The following MACROD2 variants were observed in gnomAD, a reference collection of about 807,000 sequenced individuals.
MACROD2 encodes the protein ADP-ribose glycohydrolase MACROD2.
A neutral mutation model predicts 70.4 loss-of-function variants in MACROD2; 36 were observed. The ratio of observed to expected loss-of-function variants is 0.51; its 90% CI spans 0.39 to 0.68. The LOEUF is 0.68. Among genes scored for constraint, MACROD2 ranks in the 30% least tolerant of loss-of-function variants. The pLI, the probability that MACROD2 is intolerant of heterozygous loss-of-function variation, is 0.00. For missense variants in MACROD2, 496 were observed against 538.4 expected, an observed-to-expected ratio of 0.92 and a Z score of 0.78; for synonymous variants, 172 against 178.8, an observed-to-expected ratio of 0.96 and a Z score of 0.30.
At chr20:15,904,725 C>A (rs1484567734) in intron 10 of MACROD2, among the ~76,000 whole-genome samples, 2 of 151,634 alleles carry the variant, frequency 1.3e-5, no homozygotes, top group African/African-American at 2.4e-5. Context: ...ACTAAAAATT[C>A]AAAAAATTAG....
chr20:14,884,120 T>C (rs1186348924), intron 5 of MACROD2: 2 of 152,172 alleles, frequency 1.3e-5, no homozygotes, highest in Non-Finnish European at 2.9e-5. Context: ...GGAGTAGGAA[T>C]AATTAGGCAA....
intron 8 of MACROD2, among the ~76,000 whole-genome samples, chr20:15,799,506 AT>A (rs2041759487): frequency 6.6e-6 from 1 of 152,046 alleles, no homozygotes; most frequent in South Asian, 2.1e-4. Flanking sequence ...CATAAGATTA[AT>A]TTTTTAGCTT....
intron 4 of MACROD2, among the ~76,000 whole-genome samples, chr20:14,561,275 T>C (rs148705060): frequency 6.6e-6 from 1 of 152,010 alleles, no homozygotes; most frequent in East Asian, 1.9e-4. Context: ...ATTTGTAACC[T>C]GATTAGAAGA....
chr20:14,045,532 A>C (rs1014751987), intron 2 of MACROD2, among the ~76,000 whole-genome samples: 2 of 152,248 alleles, frequency 1.3e-5, no homozygotes, highest in Admixed American at 6.5e-5. Flanking sequence ...GCAGTGCTAC[A>C]AAGTACCTAA....
intron 8 of MACROD2, among the ~76,000 whole-genome samples, chr20:15,716,514 G>A (rs1275644395): frequency 6.6e-6 from 1 of 152,198 alleles, no homozygotes; most frequent in African/African-American, 2.4e-5. Flanking sequence ...CAGGAGATTA[G>A]CAGGGAGCAC....
At chr20:14,224,629 G>A (rs2081715296) in intron 3 of MACROD2, among the ~76,000 whole-genome samples, 1 of 152,090 alleles carries the variant, frequency 6.6e-6, no homozygotes, top group Admixed American at 6.5e-5. Flanking sequence ...GGCTTCCTGG[G>A]ATTCTTATTA....
chr20:14,809,000 C>G (rs927032539), intron 5 of MACROD2, among the ~76,000 whole-genome samples: 7 of 152,068 alleles, frequency 4.6e-5, no homozygotes, highest in African/African-American at 1.7e-4. Flanking sequence ...GAGACTTTAA[C>G]ACCCCACTGT....
At chr20:16,001,102 A>G (rs2066702670) in intron 15 of MACROD2, among the ~76,000 whole-genome samples, 1 of 152,210 alleles carries the variant, frequency 6.6e-6, no homozygotes, top group Admixed American at 6.5e-5. Context: ...TTGGATTTCA[A>G]ATGTAAGTGC....
chr20:14,142,946 AGT>A (rs938966763), intron 3 of MACROD2, among the ~76,000 whole-genome samples: 5 of 152,232 alleles, frequency 3.3e-5, no homozygotes, highest in African/African-American at 1.2e-4. Context: ...AAGTCTTAAG[AGT>A]GTGGGTGTAC....
intron 3 of MACROD2, among the ~76,000 whole-genome samples, chr20:14,380,043 T>C (rs911415372): frequency 2.6e-5 from 4 of 152,144 alleles, no homozygotes; most frequent in South Asian, 2.1e-4. Context: ...ACATTTTCTA[T>C]AGTGGCTGTA....
At chr20:14,662,223 A>G (rs1156956786) in intron 4 of MACROD2, among the ~76,000 whole-genome samples, 2 of 152,150 alleles carry the variant, frequency 1.3e-5, no homozygotes, top group African/African-American at 4.8e-5. Context: ...CAAACCTGAC[A>G]ATAACACACA....
At chr20:15,931,724 G>GTA (rs140284047) in intron 10 of MACROD2, among the ~76,000 whole-genome samples, 2,158 of 151,680 alleles carry the variant, frequency 0.014, 48 homozygotes, top group African/African-American at 0.044. Context: ...GGTCCTGTAC[G>GTA]TATATTTATT....
chr20:15,310,913 G>A (rs1452236238), intron 6 of MACROD2, among the ~76,000 whole-genome samples: 1 of 152,174 alleles, frequency 6.6e-6, no homozygotes, highest in African/African-American at 2.4e-5. Context: ...AAGACATTCA[G>A]GGGAAATATT....
In MACROD2 at chr20:14,018,198, G is replaced by A. The variant is rs1454461259; in HGVS notation, c.163+15794G>A. ...TATTTTCTTAATCAATACAGCTAAA[G>A]GTTTGTCAATATTGTTGATCTTTTT... On this transcript the variant is annotated intron_variant, in intron 2 of 17. Transcript: ENST00000684519. 2.0e-5 allele frequency among the ~76,000 whole-genome samples: 3 copies of A among 151,588 alleles called. No individual in the cohort carries two copies. In the South Asian group the frequency reaches 6.2e-4, roughly 32 times the overall value.
chr20:14,683,257 C>T (rs2070957051), intron 4 of MACROD2, among the ~76,000 whole-genome samples: 2 of 152,148 alleles, frequency 1.3e-5, no homozygotes, highest in South Asian at 2.1e-4. Flanking sequence ...AAGATAACTA[C>T]CACCAAAGGG....
intron 3 of MACROD2, among the ~76,000 whole-genome samples, chr20:14,266,429 T>G (rs1360104685): frequency 1.3e-5 from 2 of 152,176 alleles, no homozygotes; most frequent in East Asian, 1.9e-4. Flanking sequence ...TTTCTTAGAC[T>G]CATTCCTTAA....
chr20:14,988,491 ACT>A (rs1277878322), intron 5 of MACROD2, among the ~76,000 whole-genome samples: 2 of 151,950 alleles, frequency 1.3e-5, no homozygotes, highest in Non-Finnish European at 2.9e-5. Flanking sequence ...GAGGCATTTG[ACT>A]CTCTTACAGA....
chr20:14,850,003 A>G (rs753330666), intron 5 of MACROD2: 1 of 517,834 alleles, frequency 1.9e-6, no homozygotes, highest in Non-Finnish European at 3.9e-6. Flanking sequence ...CCAAAGATTA[A>G]GTATGTTTCT....
chr20:15,263,155 A>C (rs2077263888), intron 6 of MACROD2, among the ~76,000 whole-genome samples: 1 of 151,962 alleles, frequency 6.6e-6, no homozygotes, highest in African/African-American at 2.4e-5. Flanking sequence ...GTTTTCTTTT[A>C]GTAGTTTCAT....
Sources: gnomAD v4.1 joint callset for allele counts (sites outside exome capture counted in the v4.1 genomes callset) on GRCh38, gnomAD v4.1.1 for gene constraint, MANE v1.5 for transcripts, NCBI Gene and HGNC (gene_info 2026-07-23, HGNC 2026-07-21) for gene names.